The following OR10J1 variants were observed in gnomAD, a reference collection of about 807,000 sequenced individuals.
The protein encoded by OR10J1 is olfactory receptor 10J1.
For missense variants in OR10J1, 474 were observed against 376.6 expected (o/e 1.26, Z -2.14); for synonymous variants, 202 against 143.8 (o/e 1.40, Z -2.89).
At chr1:159,418,183 TC>T in the OR10J1 span, among the ~76,000 whole-genome samples, 2 of 152,164 alleles carry the variant, frequency 1.3e-5, no homozygotes, top group Admixed American at 1.3e-4. Context: ...GAGGAGAAAT[TC>T]AAGCCAGCTG....
chr1:159,417,887 G>T, the OR10J1 span, among the ~76,000 whole-genome samples: 1 of 152,186 alleles, frequency 6.6e-6, no homozygotes, highest in African/African-American at 2.4e-5. Flanking sequence ...GGCTGTGGTG[G>T]TCTCAGATGG....
chr1:159,409,038 T>C, the OR10J1 span, among the ~76,000 whole-genome samples: 1 of 152,098 alleles, frequency 6.6e-6, no homozygotes, highest in African/African-American at 2.4e-5. Flanking sequence ...ATGAATTTGA[T>C]ATGTCCGTCA....
chr1:159,411,391 G>T, the OR10J1 span, among the ~76,000 whole-genome samples: 1 of 152,098 alleles, frequency 6.6e-6, no homozygotes. Context: ...CCTGTATTGG[G>T]TGCATATATA....
At chr1:159,407,102 G>A in the OR10J1 span, among the ~76,000 whole-genome samples, 1 of 152,098 alleles carries the variant, frequency 6.6e-6, no homozygotes, top group African/African-American at 2.4e-5. Context: ...AACAGGTAGT[G>A]AAAAAATGCA....
the OR10J1 span, among the ~76,000 whole-genome samples, chr1:159,407,473 G>C: frequency 6.6e-6 from 1 of 152,070 alleles, no homozygotes; most frequent in East Asian, 1.9e-4. Flanking sequence ...GGCACCTAGT[G>C]AATGCTATAT....
chr1:159,440,623 A>G lies in OR10J1; in HGVS notation c.832A>G (p.Thr278Ala), dbSNP rs375329325. The change falls in exon 1 of 1, where the codon ACT becomes GCT. Residue 278 changes from threonine (T) to alanine (A), a missense_variant. Coordinates refer to ENST00000423932, the MANE Select transcript of OR10J1 (RefSeq NM_012351.3). The stretch of plus-strand genomic sequence containing the variant: ...TGACCAGCTGATCTCGGTGACCTAC[A>G]CTGTCATCACTCCCCTACTGAACCC... ...EHDQLISVTY[T>A]VITPLLNPVV... is the part of the protein sequence containing the mutation. The G allele has an allele frequency of 5.7e-5, 92 of 1,613,782 alleles. No individual in the cohort carries two copies. In the South Asian group the frequency reaches 6.5e-4, roughly 11 times the overall value.
chr1:159,403,156 G>T, the OR10J1 span, among the ~76,000 whole-genome samples: 1 of 151,950 alleles, frequency 6.6e-6, no homozygotes, highest in South Asian at 2.1e-4. Context: ...CCATGAAACT[G>T]CTACAAGAAA....
At chr1:159,431,014 A>G in the OR10J1 span, among the ~76,000 whole-genome samples, 1 of 152,156 alleles carries the variant, frequency 6.6e-6, no homozygotes, top group Admixed American at 6.5e-5. Context: ...TCTTATAGTT[A>G]CTAGTGTTTT....
upstream of OR10J1, among the ~76,000 whole-genome samples, chr1:159,433,716 C>A (rs890817804): frequency 7.9e-5 from 12 of 152,196 alleles, no homozygotes; most frequent in African/African-American, 2.9e-4. Flanking sequence ...CTTAGTCAAT[C>A]ACTGTACCCA....
the OR10J1 span, among the ~76,000 whole-genome samples, chr1:159,420,961 T>C: frequency 1.6e-4 from 25 of 152,268 alleles, no homozygotes; most frequent in African/African-American, 5.8e-4. Context: ...ACTTGGGAAG[T>C]TTTTAATCTA....
chr1:159,406,927 T>C, the OR10J1 span, among the ~76,000 whole-genome samples: 1 of 152,166 alleles, frequency 6.6e-6, no homozygotes, highest in Non-Finnish European at 1.5e-5. Flanking sequence ...CTCCTTTAGA[T>C]GACTAGTGCA....
chr1:159,436,110 C>T (rs1299277142), upstream of OR10J1, among the ~76,000 whole-genome samples: 2 of 151,978 alleles, frequency 1.3e-5, no homozygotes, highest in African/African-American at 4.8e-5. Context: ...ATCATCAACC[C>T]AGTTCTCCAT....
chr1:159,424,072 C>A, the OR10J1 span, among the ~76,000 whole-genome samples: 1 of 151,690 alleles, frequency 6.6e-6, no homozygotes, highest in East Asian at 1.9e-4. Flanking sequence ...AAAAATTAGC[C>A]GGGTGAGGTG....
At chr1:159,424,305 T>C in the OR10J1 span, among the ~76,000 whole-genome samples, 1 of 151,246 alleles carries the variant, frequency 6.6e-6, no homozygotes, top group African/African-American at 2.4e-5. Context: ...GAGGAAATAA[T>C]TTAATATTTA....
the OR10J1 span, among the ~76,000 whole-genome samples, chr1:159,402,653 A>G: frequency 2.6e-5 from 4 of 152,094 alleles, no homozygotes; most frequent in Non-Finnish European, 4.4e-5. Flanking sequence ...TTATGGGTGG[A>G]AGAATCAATA....
the OR10J1 span, among the ~76,000 whole-genome samples, chr1:159,399,557 C>T: frequency 4.6e-5 from 5 of 108,420 alleles, no homozygotes; most frequent in East Asian, 3.0e-4. Context: ...GGCGATAGAG[C>T]GAGATTCTGT....
the OR10J1 span, among the ~76,000 whole-genome samples, chr1:159,397,954 G>A: frequency 6.6e-6 from 1 of 152,232 alleles, no homozygotes; most frequent in Non-Finnish European, 1.5e-5. Context: ...GCAAGCCCCA[G>A]CACTATCCTG....
At chr1:159,438,701 T>A (rs78175107), upstream of OR10J1, among the ~76,000 whole-genome samples, 2 of 152,230 alleles carry the variant, frequency 1.3e-5, no homozygotes, top group African/African-American at 4.8e-5. Flanking sequence ...CTAACCTTCA[T>A]CATTGATGTG....
chr1:159,436,112 G>C (rs958299814), upstream of OR10J1, among the ~76,000 whole-genome samples: 8 of 151,870 alleles, frequency 5.3e-5, no homozygotes, highest in Admixed American at 4.6e-4. Flanking sequence ...CATCAACCCA[G>C]TTCTCCATTT....
Sources: allele counts gnomAD v4.1 joint callset (sites outside exome capture counted in the v4.1 genomes callset), GRCh38; gene constraint gnomAD v4.1.1; transcripts MANE v1.5; gene names NCBI Gene and HGNC (gene_info 2026-07-23, HGNC 2026-07-21).